The following NUCKS1 variants were observed in gnomAD, a reference collection of about 807,000 sequenced individuals.
NUCKS1 encodes nuclear ubiquitous casein and cyclin-dependent kinase substrate 1.
In NUCKS1, 2 loss-of-function variants were observed where a neutral mutation model predicts 33.0. The ratio of observed to expected loss-of-function variants is 0.06; its 90% CI spans 0.02 to 0.19. The LOEUF is 0.19. Ranked by LOEUF, NUCKS1 falls within the 10% of genes least tolerant of loss-of-function variation. NUCKS1 has a pLI of 1.00. For missense variants in NUCKS1, 201 were observed against 293.6 expected, an observed-to-expected ratio of 0.68 and a Z score of 2.31; for synonymous variants, 106 against 102.8, an observed-to-expected ratio of 1.03 and a Z score of -0.19.
At chr1:205,721,829 C>T (rs1229165112) in intron 4 of NUCKS1, among the ~76,000 whole-genome samples, 1 of 151,940 alleles carries the variant, frequency 6.6e-6, no homozygotes, top group African/African-American at 2.4e-5. Context: ...TGCGCACCAC[C>T]ACTCCTGGCT....
chr1:205,733,668 CATT>C (rs1008533821), intron 1 of NUCKS1, among the ~76,000 whole-genome samples: 7 of 151,890 alleles, frequency 4.6e-5, no homozygotes, highest in Middle Eastern at 3.4e-3. Flanking sequence ...AAATGGCAGG[CATT>C]ATATTAAAAT....
In NUCKS1 at chr1:205,717,755, G is replaced by A. The variant is rs1671848450; in HGVS notation, c.*525C>T. On this transcript the variant is annotated 3_prime_UTR_variant, in exon 7 of 7. Transcript: ENST00000367142. ...ATTTTTTTTAGACATTGATACTTGT[G>A]TCTATAGACAAATAAACTCATATTA... 2.0e-6 allele frequency: 2 copies of A among 984,452 alleles called. No individual in the cohort carries two copies. The highest frequency in any genetic ancestry group is 2.4e-6 in the Non-Finnish European group (2 of 829,412). The allele number at this position is 984,452 out of a possible 1,614,324, so 61.0% of individuals were successfully genotyped here.
At chr1:205,737,433 G>A (rs955787245) in intron 1 of NUCKS1, among the ~76,000 whole-genome samples, 16 of 152,154 alleles carry the variant, frequency 1.1e-4, no homozygotes, top group Non-Finnish European at 2.9e-5. Flanking sequence ...TTAATTAGAA[G>A]ATATGCCAAG....
At chr1:205,749,302 AG>A (rs1654413117) in intron 1 of NUCKS1, among the ~76,000 whole-genome samples, 1 of 152,222 alleles carries the variant, frequency 6.6e-6, no homozygotes, top group Admixed American at 6.5e-5. Flanking sequence ...ATTATTTTCC[AG>A]GATCCAGTCC....
chr1:205,735,362 T>A (rs1402572085), intron 1 of NUCKS1, among the ~76,000 whole-genome samples: 3 of 152,200 alleles, frequency 2.0e-5, no homozygotes, highest in African/African-American at 7.2e-5. Flanking sequence ...AGCCTAGGTG[T>A]GCAGGAGACT....
At chr1:205,730,316 G>T in intron 1 of NUCKS1, among the ~76,000 whole-genome samples, 1 of 151,554 alleles carries the variant, frequency 6.6e-6, no homozygotes, top group East Asian at 1.9e-4. Flanking sequence ...CGAAGTGCTG[G>T]GATTACAGGC....
chr1:205,727,485 TTTG>T lies in NUCKS1; in HGVS notation c.173+212_173+214del, dbSNP rs200009494. ...ACTGAATGAGATATATCACTTATTT[TTTG>T]TTATCACTACAATGAAAGTGTCAGT... is the stretch of plus-strand genomic sequence containing the variant. On this transcript the variant is annotated intron_variant, in intron 3 of 6. Coordinates refer to ENST00000367142, the MANE Select transcript of NUCKS1 (RefSeq NM_022731.5). Among the ~76,000 whole-genome samples, 908 of 152,358 alleles carry T rather than the reference TTTG, an allele frequency of 6.0e-3. 22 individuals carry two copies. Among genetic ancestry groups the T allele is most frequent in the East Asian group, 0.033 (171 of 5,190 alleles).
In NUCKS1 at chr1:205,714,779, G is replaced by C. The variant is rs924410610; in HGVS notation, c.*3501C>G. On this transcript the variant is annotated 3_prime_UTR_variant, in exon 7 of 7. Coordinates refer to ENST00000367142, the MANE Select transcript of NUCKS1 (RefSeq NM_022731.5). ...ACTTCTGTTCTGTTTAAGCATCTCA[G>C]TCTAAATGCCATGAAGACCAGAGCC... 6.6e-6 allele frequency: 1 copy of C among 152,172 alleles called. No individual in the cohort carries two copies. The highest frequency in any genetic ancestry group is 2.4e-5 in the African/African-American group (1 of 41,438). The allele number at this position is 152,172 out of a possible 1,614,324, so 9.4% of individuals were successfully genotyped here. A position where few individuals can be genotyped will look rare whatever the true frequency, so the allele number is the denominator to read the frequency against.
chr1:205,747,594 G>A (rs1184390566), intron 1 of NUCKS1, among the ~76,000 whole-genome samples: 2 of 152,124 alleles, frequency 1.3e-5, no homozygotes, highest in Non-Finnish European at 2.9e-5. Context: ...GATATTTATG[G>A]TACAATGAGA....
At chr1:205,749,849 C>T (rs1571595957) in intron 1 of NUCKS1, 108 bp downstream of exon 1, 2 of 1,260,192 alleles carry the variant, frequency 1.6e-6, no homozygotes, top group Non-Finnish European at 2.2e-6. Flanking sequence ...GGGAGGAGGC[C>T]GCGCGCGGCA....
At chr1:205,727,844 T>A in intron 2 of NUCKS1, 39 bp from the exon 3 acceptor site, 3 of 1,350,792 alleles carry the variant, frequency 2.2e-6, no homozygotes, top group Non-Finnish European at 3.2e-6. Flanking sequence ...CTATGATTTT[T>A]ACATGTTAAA....
At chr1:205,724,044 G>C in intron 3 of NUCKS1, 63 bp from the exon 4 acceptor site, 2 of 1,169,820 alleles carry the variant, frequency 1.7e-6, no homozygotes, top group Non-Finnish European at 2.6e-6. Flanking sequence ...AGTGAACATA[G>C]ATCTCTGATT....
intron 1 of NUCKS1, among the ~76,000 whole-genome samples, chr1:205,735,708 A>G (rs888770119): frequency 6.6e-6 from 1 of 152,230 alleles, no homozygotes; most frequent in Non-Finnish European, 1.5e-5. Flanking sequence ...AGAACATTTC[A>G]GAACATTTGT....
intron 1 of NUCKS1, among the ~76,000 whole-genome samples, chr1:205,740,223 T>C (rs1654133653): frequency 1.3e-5 from 2 of 151,550 alleles, no homozygotes; most frequent in African/African-American, 4.8e-5. Context: ...CAGGCTGCCC[T>C]CAAACTCCAG....
intron 1 of NUCKS1, among the ~76,000 whole-genome samples, chr1:205,731,878 A>T: frequency 6.6e-6 from 1 of 151,550 alleles, no homozygotes; most frequent in Non-Finnish European, 1.5e-5. Flanking sequence ...CCTGGGCGAA[A>T]GAGAGAGACT....
chr1:205,726,861 CAAG>C (rs1016851831), intron 3 of NUCKS1, among the ~76,000 whole-genome samples: 6 of 152,154 alleles, frequency 3.9e-5, no homozygotes, highest in African/African-American at 1.4e-4. Flanking sequence ...CCATTATCAC[CAAG>C]AAGGTCTTGT....
Position 205,717,741 on chromosome 1 carries a change from A to T in NUCKS1, c.*539T>A, listed in dbSNP as rs1671847891. The T allele has an allele frequency of 1.0e-6, 1 of 984,988 alleles. No individual in the cohort carries two copies. Among genetic ancestry groups the T allele is most frequent in the Admixed American group, 6.2e-5 (1 of 16,260 alleles). The allele number at this position is 984,988 out of a possible 1,614,324, so 61.0% of individuals were successfully genotyped here. A position where few individuals can be genotyped will look rare whatever the true frequency, so the allele number is the denominator to read the frequency against. ...AGTTTAAAGTCATGATTTTTTTTAG[A>T]CATTGATACTTGTGTCTATAGACAA... is the stretch of plus-strand genomic sequence containing the variant. On this transcript the variant is annotated 3_prime_UTR_variant, in exon 7 of 7. Coordinates refer to ENST00000367142, the MANE Select transcript of NUCKS1 (RefSeq NM_022731.5).
At chr1:205,724,034 A>C in intron 3 of NUCKS1, 53 bp from the exon 4 acceptor site, 1 of 1,233,552 alleles carries the variant, frequency 8.1e-7, no homozygotes, top group Non-Finnish European at 1.2e-6. Flanking sequence ...TCAAAATCTA[A>C]GTGAACATAG....
At chr1:205,739,997 G>GTTTT (rs60866378) in intron 1 of NUCKS1, among the ~76,000 whole-genome samples, 16,273 of 81,568 alleles carry the variant, frequency 0.2, 3,031 homozygotes, top group East Asian at 0.31. Flanking sequence ...TTTACTTTAG[G>GTTTT]TTTTTTTTTT....
Sources: allele counts gnomAD v4.1 joint callset (sites outside exome capture counted in the v4.1 genomes callset), GRCh38; gene constraint gnomAD v4.1.1; transcripts MANE v1.5; gene names NCBI Gene and HGNC (gene_info 2026-07-23, HGNC 2026-07-21).